Variants in TBC1D2 observed in about 807,000 individuals in gnomAD.
The protein encoded by TBC1D2 is TBC1 domain family member 2A.
TBC1D2 carries 58 observed loss-of-function variants against 91.1 expected under a neutral mutation model. The observed-to-expected ratio is 0.64, with a 90% confidence interval of 0.52 to 0.79. The LOEUF is 0.79. Ranked by LOEUF, TBC1D2 falls within the 30% of genes least tolerant of loss-of-function variation. The pLI, the probability that TBC1D2 is intolerant of heterozygous loss-of-function variation, is 0.00. For missense variants in TBC1D2, 1,080 were observed against 1,208.3 expected (o/e 0.89, Z 1.57); for synonymous variants, 482 against 511.5 (o/e 0.94, Z 0.78).
chr9:98,200,497 CTGGAGGCACAATGTGT>C, intron 11 of TBC1D2, 123 bp from the exon 12 acceptor site: 2 of 667,838 alleles, frequency 3.0e-6, no homozygotes, highest in Non-Finnish European at 4.4e-6. Context: ...AAGTTGAGGC[CTGGAGGCACAATGTGT>C]GGGGATAGGC....
intron 4 of TBC1D2, among the ~76,000 whole-genome samples, chr9:98,231,706 G>A (rs955994316): frequency 6.6e-6 from 1 of 152,146 alleles, no homozygotes; most frequent in Non-Finnish European, 1.5e-5. Flanking sequence ...CTCTGTGGCC[G>A]TGAGCAAGTC....
intron 6 of TBC1D2, among the ~76,000 whole-genome samples, chr9:98,215,576 T>C (rs778237705): frequency 6.6e-6 from 1 of 152,280 alleles, no homozygotes; most frequent in South Asian, 2.1e-4. Context: ...GGCGTGATCA[T>C]AGCTCATGGC....
chr9:98,208,294 C>G (rs558777470), intron 9 of TBC1D2, among the ~76,000 whole-genome samples: 1 of 152,228 alleles, frequency 6.6e-6, no homozygotes, highest in African/African-American at 2.4e-5. Context: ...TCTAAAACAA[C>G]GGTCCCCAAC....
intron 3 of TBC1D2, among the ~76,000 whole-genome samples, chr9:98,239,892 T>C (rs1829594704): frequency 6.6e-6 from 1 of 152,238 alleles, no homozygotes; most frequent in Non-Finnish European, 1.5e-5. Context: ...TTCTTGCGTA[T>C]ATTTTAGTAA....
chr9:98,206,349 A>C (rs1316092704), intron 9 of TBC1D2, among the ~76,000 whole-genome samples: 1 of 152,234 alleles, frequency 6.6e-6, no homozygotes, highest in African/African-American at 2.4e-5. Context: ...AATGCTATTC[A>C]GAGAAAGATA....
chr9:98,215,827 C>T (rs888347298), intron 6 of TBC1D2, among the ~76,000 whole-genome samples: 1 of 152,134 alleles, frequency 6.6e-6, no homozygotes, highest in East Asian at 1.9e-4. Context: ...ATTCTAAAGC[C>T]CTAATCACCA....
intron 3 of TBC1D2, among the ~76,000 whole-genome samples, chr9:98,237,473 T>C (rs1829534347): frequency 6.6e-6 from 1 of 152,064 alleles, no homozygotes; most frequent in African/African-American, 2.4e-5. Flanking sequence ...TTTGTAGTAG[T>C]GTTGATATTG....
In TBC1D2 at chr9:98,255,584, AC is replaced by A. The variant is rs1337843828; in HGVS notation, c.-44del. The A allele has an allele frequency of 6.9e-7, 1 of 1,455,220 alleles. No individual in the cohort carries two copies. The highest frequency in any genetic ancestry group is 1.4e-5 in the African/African-American group (1 of 70,280). 90.1% of individuals were successfully genotyped at this position (1,455,220 alleles called of 1,614,324 possible). A position where few individuals can be genotyped will look rare whatever the true frequency, so the allele number is the denominator to read the frequency against. ...TGCGGAGGGACGAGGGGTCCGCGGG[AC>A]CACCAGGGACAAATCTCGGAGACTC... On this transcript the variant is annotated 5_prime_UTR_variant, in exon 1 of 13. Transcript: ENST00000465784.
chr9:98,237,673 A>AT (rs545143016), intron 3 of TBC1D2, among the ~76,000 whole-genome samples: 23 of 149,692 alleles, frequency 1.5e-4, no homozygotes, highest in Admixed American at 3.3e-4. Flanking sequence ...TGCCCGGCTA[A>AT]TTTTTTTTGT....
chr9:98,199,223 T>C lies in TBC1D2; in HGVS notation c.*158A>G, dbSNP rs940052325. On this transcript the variant is annotated 3_prime_UTR_variant, in exon 13 of 13. Transcript: ENST00000465784. Reference sequence around the variant, plus strand: ...CAACCAATGGCTTTGCAGCACACAATGTCCCAGTGGGGAAACTGAGGGCCA... The same window carrying C: ...CAACCAATGGCTTTGCAGCACACAACGTCCCAGTGGGGAAACTGAGGGCCA... 5.1e-6 allele frequency: 4 copies of C among 789,470 alleles called. No individual in the cohort carries two copies. In the South Asian group the frequency reaches 7.1e-5, roughly 14 times the overall value. 48.9% of individuals were successfully genotyped at this position (789,470 alleles called of 1,614,324 possible).
In TBC1D2 at chr9:98,203,347, C is replaced by T. The variant is rs930323353; in HGVS notation, c.2212G>A (p.Ala738Thr). The change falls in exon 10 of 13, where the codon GCC (alanine) becomes ACC (threonine). Residue 738 changes from alanine (A) to threonine (T), a missense_variant. Ala to Thr is a moderately conservative substitution (Grantham distance 58, BLOSUM62 0). Transcript: ENST00000465784. ...GCGGGCATGATGGTCTCCACAATGG[C>T]CACCAGGCACCAGAAGGCGCTCTCC... is the stretch of plus-strand genomic sequence containing the variant. ...EEESAFWCLV[A>T]IVETIMPADY... 1 of 1,614,234 alleles carries T rather than the reference C, an allele frequency of 6.2e-7. No homozygotes were observed.
intron 5 of TBC1D2, among the ~76,000 whole-genome samples, chr9:98,222,116 T>C (rs1463522354): frequency 4.0e-5 from 6 of 151,712 alleles, no homozygotes; most frequent in African/African-American, 1.5e-4. Context: ...CAGCAGAGAG[T>C]AGAATGGAAT....
chr9:98,235,636 A>C, intron 3 of TBC1D2: 1 of 362,588 alleles, frequency 2.8e-6, no homozygotes, highest in Non-Finnish European at 5.4e-6. Context: ...TCTCTAAAGC[A>C]CTTCCCAAAA....
At position 98,209,546 on chromosome 9, in the gene TBC1D2, G is replaced by A. The variant is rs555551964; in HGVS notation, c.1674-402C>T. ...TACCACAGCCAGTAAGCGCAGGGGT[G>A]GACGGGGAACAGACAGCACCAATGA... On this transcript the variant is annotated intron_variant, in intron 8 of 12. Transcript: ENST00000465784. 2.1e-4 allele frequency among the ~76,000 whole-genome samples: 32 copies of A among 152,312 alleles called. No individual in the cohort carries two copies. The South Asian group carries it at 5.0e-3, about 24-fold the overall frequency.
Position 98,203,397 on chromosome 9 carries a change from ATGGCC to A in TBC1D2, c.2157_2161del (p.Ala720CysfsTer26). On this transcript the variant is annotated frameshift_variant, in exon 10 of 13. Coordinates refer to ENST00000465784, the MANE Select transcript of TBC1D2 (RefSeq NM_001267571.2). LOFTEE classifies it high-confidence loss of function. ...CTCCTCCTCTAGGACCAGCAGGGCA[ATGGCC>A]GCCAGCCTGGAGTAGTAGGGAAGGC... 6.2e-7 allele frequency: 1 copy of A among 1,614,170 alleles called. No individual in the cohort carries two copies. Among genetic ancestry groups the A allele is most frequent in the Non-Finnish European group, 8.5e-7 (1 of 1,180,038 alleles).
At chr9:98,235,410 T>G (rs767851592) in intron 3 of TBC1D2, 1 of 483,418 alleles carries the variant, frequency 2.1e-6, no homozygotes, top group Non-Finnish European at 4.1e-6. Flanking sequence ...AAGAGAGAGA[T>G]CTTTCTAATG....
At chr9:98,234,583 T>A (rs1829455552) in intron 3 of TBC1D2, 1 of 152,208 alleles carries the variant, frequency 6.6e-6, no homozygotes, top group South Asian at 2.1e-4. Flanking sequence ...CCTGCCTGCA[T>A]CCACCTGTGT....
intron 11 of TBC1D2, 44 bp from the exon 12 acceptor site, chr9:98,200,418 G>T: frequency 6.4e-7 from 1 of 1,560,708 alleles, no homozygotes. Flanking sequence ...GGGGGGCCAG[G>T]CAGGTCATCC....
Position 98,199,212 on chromosome 9 carries a change from G to T in TBC1D2, c.*169C>A. 1 of 745,384 alleles carries T rather than the reference G, an allele frequency of 1.3e-6. No individual in the cohort carries two copies. The allele number at this position is 745,384 out of a possible 1,614,324, so 46.2% of individuals were successfully genotyped here. A position where few individuals can be genotyped will look rare whatever the true frequency, so the allele number is the denominator to read the frequency against. ...AAGAAGTAGCCCAACCAATGGCTTT[G>T]CAGCACACAATGTCCCAGTGGGGAA... On this transcript the variant is annotated 3_prime_UTR_variant, in exon 13 of 13. Transcript: ENST00000465784.
Sources: gnomAD v4.1 joint callset for allele counts (sites outside exome capture counted in the v4.1 genomes callset) on GRCh38, gnomAD v4.1.1 for gene constraint, MANE v1.5 for transcripts, NCBI Gene and HGNC (gene_info 2026-07-23, HGNC 2026-07-21) for gene names.